NUP54: variants seen among roughly 807,000 people sequenced by gnomAD.
The protein encoded by NUP54 is nucleoporin p54.
Under a neutral mutation model 66.4 loss-of-function variants are expected in NUP54, and 27 were observed. The observed-to-expected ratio is 0.41, with a 90% CI of 0.30 to 0.56. The LOEUF is 0.56. NUP54 is among the 20% of genes least tolerant of loss of function. The probability of loss-of-function intolerance (pLI) is 0.34; values close to 1 mark genes in which losing one functional copy is unlikely to be tolerated. For missense variants in NUP54, 486 were observed against 596.3 expected (o/e 0.82, Z 1.93); for synonymous variants, 206 against 210.7 (o/e 0.98, Z 0.19).
intron 3 of NUP54, among the ~76,000 whole-genome samples, chr4:76,139,721 A>T (rs1388240966): frequency 6.6e-6 from 1 of 152,170 alleles, no homozygotes; most frequent in Non-Finnish European, 1.5e-5. Context: ...TTAAAGAGAG[A>T]AGTATAGTAA....
At chr4:76,139,988 A>G (rs1253323825) in intron 3 of NUP54, among the ~76,000 whole-genome samples, 1 of 152,226 alleles carries the variant, frequency 6.6e-6, no homozygotes, top group Non-Finnish European at 1.5e-5. Context: ...AATAGTTTGT[A>G]AAGGGGAGGA....
chr4:76,121,813 G>C (rs1730249472), intron 9 of NUP54, among the ~76,000 whole-genome samples: 1 of 152,158 alleles, frequency 6.6e-6, no homozygotes, highest in East Asian at 1.9e-4. Flanking sequence ...ATAGTAAAAA[G>C]GAAAGTTGAT....
intron 9 of NUP54, among the ~76,000 whole-genome samples, chr4:76,120,808 ATTT>A (rs1376883761): frequency 2.6e-5 from 4 of 152,102 alleles, no homozygotes; most frequent in Non-Finnish European, 5.9e-5. Context: ...ACTAAGAACT[ATTT>A]TGCATTTGCT....
intron 1 of NUP54, chr4:76,146,166 C>G (rs530342857): frequency 4.6e-6 from 2 of 437,138 alleles, no homozygotes; most frequent in African/African-American, 4.1e-5. Context: ...ACAAGAAAGT[C>G]TATCAGCCCT....
In NUP54 at chr4:76,130,734, T is replaced by C. The variant is rs1328192375; in HGVS notation, c.978A>G (p.Pro326=). The change falls in exon 8 of 12, where the codon CCA becomes CCG. Residue 326 remains proline, a synonymous_variant. Coordinates refer to ENST00000264883, the MANE Select transcript of NUP54 (RefSeq NM_017426.4). The part of the protein sequence containing the change: ...NPDSEKLIPV[P]MVGFKELLRR... ...GGAGAAGTTCCTTAAAACCCACCAT[T>C]GGTACAGGAATTAACCTGAAGAAAC... The C allele has an allele frequency of 5.0e-6, 8 of 1,612,548 alleles. No individual in the cohort carries two copies. The highest frequency in any genetic ancestry group is 6.8e-6 in the Non-Finnish European group (8 of 1,178,940).
At chr4:76,144,323 T>TAAA in intron 2 of NUP54, 31 bp from the exon 3 acceptor site, 8 of 1,542,816 alleles carry the variant, frequency 5.2e-6, no homozygotes, top group South Asian at 2.4e-5. Context: ...CTTCGTAAGT[T>TAAA]AAAAAAAAAA....
chr4:76,122,076 AT>A, intron 9 of NUP54, among the ~76,000 whole-genome samples: 1 of 152,096 alleles, frequency 6.6e-6, no homozygotes, highest in East Asian at 1.9e-4. Context: ...TTTGCTATTC[AT>A]TTTTGGTTAC....
At position 76,125,316 on chromosome 4, in the gene NUP54, TCACACACACA is replaced by T. The variant is rs34954421; in HGVS notation, c.1057-570_1057-561del. 1.5e-3 allele frequency among the ~76,000 whole-genome samples: 190 copies of T among 125,384 alleles called. 1 individual carries two copies. The highest frequency in any genetic ancestry group is 4.6e-3 in the African/African-American group (170 of 36,758). The allele number at this position is 125,384 out of a possible 152,430, so 82.3% of individuals were successfully genotyped here. On this transcript the variant is annotated intron_variant, in intron 8 of 11. Transcript: ENST00000264883. ...AAACAAAAAACAGAGTGAGACTCCA[TCACACACACA>T]CACACACACACACACACACACACAC...
At chr4:76,119,819 A>T (rs1052215657) in intron 9 of NUP54, among the ~76,000 whole-genome samples, 2 of 152,020 alleles carry the variant, frequency 1.3e-5, no homozygotes, top group Non-Finnish European at 2.9e-5. Context: ...CCATACTCTC[A>T]TCCATGCTCC....
At chr4:76,137,604 G>A (rs1189468762) in intron 3 of NUP54, among the ~76,000 whole-genome samples, 1 of 151,886 alleles carries the variant, frequency 6.6e-6, no homozygotes, top group African/African-American at 2.4e-5. Flanking sequence ...CAGTATTCTA[G>A]GCTAAAACTT....
intron 1 of NUP54, chr4:76,147,801 T>G (rs1731569267): frequency 1.3e-5 from 5 of 396,660 alleles, no homozygotes; most frequent in African/African-American, 2.1e-5. Flanking sequence ...GGGGGTGGGG[T>G]GGGGCAGATG....
At position 76,130,650 on chromosome 4, in the gene NUP54, G is replaced by A. The variant is rs1560683630; in HGVS notation, c.1056+6C>T. ...AGGGCCAGGGAATAAAAAGCTAAAT[G>A]CTTACATCTAATCTGGTTTGATGCT... On this transcript the variant is annotated splice_donor_region_variant and intron_variant, in intron 8 of 11. Transcript: ENST00000264883. 2.5e-6 allele frequency: 4 copies of A among 1,599,090 alleles called. No homozygotes were observed. The highest frequency in any genetic ancestry group is 1.3e-5 in the African/African-American group (1 of 74,536).
At chr4:76,144,045 T>A in intron 3 of NUP54, 104 bp downstream of exon 3, 1 of 1,144,930 alleles carries the variant, frequency 8.7e-7, no homozygotes, top group Non-Finnish European at 1.3e-6. Context: ...TGGAATATAT[T>A]AATAATTCTT....
Position 76,118,198 on chromosome 4 carries a change from T to C in NUP54, c.1165-4A>G, listed in dbSNP as rs548682091. 2 of 1,612,334 alleles carry C rather than the reference T, an allele frequency of 1.2e-6. No homozygotes were observed. The highest frequency in any genetic ancestry group is 1.3e-5 in the African/African-American group (1 of 75,020). ...GAATTTCCTGTTTGATTAGGACCTA[T>C]ACAAATAAAAACCACCAATAACAAC... On this transcript the variant is annotated splice_region_variant and splice_polypyrimidine_tract_variant and intron_variant, in intron 9 of 11. Coordinates refer to ENST00000264883, the MANE Select transcript of NUP54 (RefSeq NM_017426.4).
At chr4:76,128,341 CACT>C (rs1730631886) in intron 8 of NUP54, among the ~76,000 whole-genome samples, 1 of 149,994 alleles carries the variant, frequency 6.7e-6, no homozygotes, top group Non-Finnish European at 1.5e-5. Flanking sequence ...CACCACAAGC[CACT>C]ACTAAGAAGT....
chr4:76,120,461 A>T (rs1389480786), intron 9 of NUP54, among the ~76,000 whole-genome samples: 1 of 121,754 alleles, frequency 8.2e-6, no homozygotes, highest in East Asian at 2.3e-4. Flanking sequence ...ATGGAGTTGC[A>T]CTCTGTCACC....
At chr4:76,129,765 T>C (rs1730699520) in intron 8 of NUP54, among the ~76,000 whole-genome samples, 1 of 144,724 alleles carries the variant, frequency 6.9e-6, no homozygotes, top group Non-Finnish European at 1.5e-5. Flanking sequence ...CTCCGGAGGC[T>C]GAGGAAGGAG....
At chr4:76,116,858 C>T (rs749141301) in intron 11 of NUP54, among the ~76,000 whole-genome samples, 36 of 152,176 alleles carry the variant, frequency 2.4e-4, no homozygotes, top group Admixed American at 7.2e-4. Context: ...ACTTTAGTGT[C>T]TCTACTACCT....
At chr4:76,121,608 G>A (rs776840723) in intron 9 of NUP54, among the ~76,000 whole-genome samples, 9 of 152,138 alleles carry the variant, frequency 5.9e-5, no homozygotes, top group Non-Finnish European at 1.0e-4. Context: ...GTGACTATAG[G>A]TGCCATGTCA....
Sources: gnomAD v4.1 joint callset for allele counts (sites outside exome capture counted in the v4.1 genomes callset) on GRCh38, gnomAD v4.1.1 for gene constraint, MANE v1.5 for transcripts, NCBI Gene and HGNC (gene_info 2026-07-23, HGNC 2026-07-21) for gene names.